BANK1: variants seen among roughly 807,000 people sequenced by gnomAD.
BANK1 encodes B cell scaffold protein with ankyrin repeats 1.
A neutral mutation model predicts 94.5 loss-of-function variants in BANK1; 95 were observed. The ratio of observed to expected loss-of-function variants is 1.00; its 90% CI spans 0.85 to 1.19. The LOEUF (loss-of-function observed/expected upper bound fraction) is 1.19. Ranked by LOEUF, BANK1 falls within the 50% of genes most tolerant of loss-of-function variation. The probability of loss-of-function intolerance (pLI) is 0.00; values close to 1 mark genes in which losing one functional copy is unlikely to be tolerated. For synonymous variants in BANK1, 334 were observed against 308.4 expected (o/e 1.08, Z -0.87); for missense variants, 987 against 932.2 (o/e 1.06, Z -0.77).
At chr4:101,847,768 CACACACATAT>C (rs1190563695) in intron 2 of BANK1, among the ~76,000 whole-genome samples, 6 of 149,810 alleles carry the variant, frequency 4.0e-5, no homozygotes, top group African/African-American at 1.5e-4. Context: ...CACACACACA[CACACACATAT>C]GTCTCACACA....
chr4:101,895,641 C>A (rs1167886207), intron 6 of BANK1, among the ~76,000 whole-genome samples: 1 of 151,736 alleles, frequency 6.6e-6, no homozygotes, highest in African/African-American at 2.4e-5. Flanking sequence ...AATTAAAAAG[C>A]TTACTTCTTG....
chr4:102,056,227 T>C (rs1022644558), intron 11 of BANK1, among the ~76,000 whole-genome samples: 1 of 152,150 alleles, frequency 6.6e-6, no homozygotes, highest in African/African-American at 2.4e-5. Context: ...ACACTAAGTA[T>C]ACATCAATAG....
chr4:101,983,909 A>G (rs1396385258), intron 7 of BANK1, among the ~76,000 whole-genome samples: 1 of 152,084 alleles, frequency 6.6e-6, no homozygotes, highest in African/African-American at 2.4e-5. Context: ...ATAGCAAAGA[A>G]TAGTACTGAG....
chr4:101,804,042 A>AAAAAAT (rs1272770928), intron 1 of BANK1, among the ~76,000 whole-genome samples: 11 of 148,052 alleles, frequency 7.4e-5, no homozygotes, highest in Non-Finnish European at 1.2e-4. Flanking sequence ...TATAAAAAAA[A>AAAAAAT]GAAAAAATTA....
At position 101,940,839 on chromosome 4, in the gene BANK1, G is replaced by A. The variant is rs183060166; in HGVS notation, c.1206+22650G>A. ...CCCTCGATCACCTGGCTGAGGTAATGTTTGTCACGTTTCTCCACTGTAAAG... is the reference window on the plus strand; with the variant it reads ...CCCTCGATCACCTGGCTGAGGTAATATTTGTCACGTTTCTCCACTGTAAAG... On this transcript the variant is annotated intron_variant, in intron 7 of 16. Transcript: ENST00000322953. Among the ~76,000 whole-genome samples, 18 of 151,806 alleles carry A rather than the reference G, an allele frequency of 1.2e-4. No homozygotes were observed. The East Asian group carries it at 3.1e-3, about 26-fold the overall frequency.
intron 7 of BANK1, among the ~76,000 whole-genome samples, chr4:101,997,046 G>C (rs1725902760): frequency 6.6e-6 from 1 of 152,084 alleles, no homozygotes; most frequent in African/African-American, 2.4e-5. Flanking sequence ...TGCCCATTCA[G>C]TATGAAAATG....
intron 7 of BANK1, among the ~76,000 whole-genome samples, chr4:101,920,992 A>G (rs1722982279): frequency 6.6e-6 from 1 of 151,856 alleles, no homozygotes; most frequent in African/African-American, 2.4e-5. Context: ...GGAGGAGAGT[A>G]GGAGAAGAAG....
At chr4:101,955,619 C>T (rs1724310912) in intron 7 of BANK1, among the ~76,000 whole-genome samples, 1 of 152,098 alleles carries the variant, frequency 6.6e-6, no homozygotes. Flanking sequence ...ATTTGATACT[C>T]GGTTTCTTGC....
chr4:102,072,241 C>A, intron 14 of BANK1, 104 bp from the exon 15 acceptor site: 1 of 973,404 alleles, frequency 1.0e-6, no homozygotes, highest in South Asian at 1.6e-5. Flanking sequence ...TTTCTTTTCA[C>A]CCATATCTTA....
At chr4:101,794,106 T>C (rs199934531) in intron 1 of BANK1, among the ~76,000 whole-genome samples, 1 of 152,068 alleles carries the variant, frequency 6.6e-6, no homozygotes, top group East Asian at 1.9e-4. Flanking sequence ...TAAGGATAGG[T>C]TGATTAAAAG....
intron 9 of BANK1, among the ~76,000 whole-genome samples, chr4:102,028,982 A>G (rs1365048728): frequency 2.0e-5 from 3 of 151,782 alleles, no homozygotes; most frequent in African/African-American, 7.3e-5. Flanking sequence ...TGGCATGCCT[A>G]TAGCTCACTA....
chr4:101,826,619 ATATT>A (rs754178254), intron 1 of BANK1, among the ~76,000 whole-genome samples: 52 of 151,962 alleles, frequency 3.4e-4, no homozygotes, highest in Non-Finnish European at 5.5e-4. Context: ...TTATGGCATA[ATATT>A]TCTGTTTGTT....
chr4:102,011,099 A>G (rs1395185491), intron 7 of BANK1, among the ~76,000 whole-genome samples: 1 of 152,232 alleles, frequency 6.6e-6, no homozygotes, highest in Non-Finnish European at 1.5e-5. Flanking sequence ...TTACTATGAA[A>G]TCATCCTTCC....
intron 7 of BANK1, among the ~76,000 whole-genome samples, chr4:101,979,017 T>C (rs1467782075): frequency 1.3e-5 from 2 of 152,056 alleles, no homozygotes; most frequent in Non-Finnish European, 2.9e-5. Context: ...TTGCATCTTA[T>C]TATCTTTATT....
chr4:101,918,096 A>G lies in BANK1; in HGVS notation c.1113A>G (p.Ala371=), dbSNP rs201139601. The G allele has an allele frequency of 3.1e-6, 5 of 1,612,382 alleles. No individual in the cohort carries two copies. The highest frequency in any genetic ancestry group is 3.3e-5 in the Admixed American group (2 of 59,834). ...HLLQCSGATW[A]SKMKNMEGSD... ...TTCAATGTTCAGGAGCAACCTGGGCATCTAAGATGAAAAATATGGAGGGTT... is the reference window on the plus strand; with the variant it reads ...TTCAATGTTCAGGAGCAACCTGGGCGTCTAAGATGAAAAATATGGAGGGTT... Residue 371 remains alanine (A), a synonymous_variant, in exon 7 of 17, where the codon GCA becomes GCG. Coordinates refer to ENST00000322953, the MANE Select transcript of BANK1 (RefSeq NM_017935.5).
At chr4:102,063,826 A>T (rs1267381160) in intron 13 of BANK1, among the ~76,000 whole-genome samples, 1 of 151,988 alleles carries the variant, frequency 6.6e-6, no homozygotes, top group South Asian at 2.1e-4. Flanking sequence ...CTCAAAAAAA[A>T]AAAAAAAAAG....
At chr4:102,043,233 G>T (rs1727761630) in intron 10 of BANK1, among the ~76,000 whole-genome samples, 1 of 151,804 alleles carries the variant, frequency 6.6e-6, no homozygotes, top group Admixed American at 6.6e-5. Context: ...TCTTTCATCT[G>T]CAAAATGGGG....
At chr4:101,866,586 G>C (rs1238288778) in intron 4 of BANK1, among the ~76,000 whole-genome samples, 1 of 152,080 alleles carries the variant, frequency 6.6e-6, no homozygotes, top group Non-Finnish European at 1.5e-5. Context: ...AATCTTGTCA[G>C]AAGCCAGAGA....
intron 7 of BANK1, among the ~76,000 whole-genome samples, chr4:101,977,422 G>T (rs1260882924): frequency 6.6e-6 from 1 of 152,096 alleles, no homozygotes; most frequent in Non-Finnish European, 1.5e-5. Flanking sequence ...CACTAATGAC[G>T]CAGATTAGCC....
Sources: gnomAD v4.1 joint callset for allele counts (sites outside exome capture counted in the v4.1 genomes callset) on GRCh38, gnomAD v4.1.1 for gene constraint, MANE v1.5 for transcripts, NCBI Gene and HGNC (gene_info 2026-07-23, HGNC 2026-07-21) for gene names.